RNF175: variants seen among roughly 807,000 people sequenced by gnomAD.
The protein encoded by RNF175 is ring finger protein 175.
In RNF175, 38 loss-of-function variants were observed where a neutral mutation model predicts 50.0. The observed-to-expected ratio is 0.76, with a 90% CI of 0.59 to 1.00. The LOEUF is 1.00. Among genes scored for constraint, RNF175 ranks in the 50% least tolerant of loss-of-function variants. RNF175 has a pLI of 0.00. For missense variants in RNF175, 388 were observed against 409.6 expected (o/e 0.95, Z 0.46); for synonymous variants, 155 against 146.1 (o/e 1.06, Z -0.44).
At chr4:153,723,528 A>G in intron 4 of RNF175, 70 bp from the exon 5 acceptor site, 1 of 692,004 alleles carries the variant, frequency 1.4e-6, no homozygotes, top group East Asian at 2.7e-5. Context: ...ACACAGTAAT[A>G]TTATAAAATA....
At chr4:153,720,409 T>C in intron 5 of RNF175, 105 bp from the exon 6 acceptor site, 1 of 873,430 alleles carries the variant, frequency 1.1e-6, no homozygotes, top group South Asian at 1.8e-5. Context: ...ACCTTGTGGG[T>C]ATTTTTTTTT....
chr4:153,730,893 A>G (rs1370269538), intron 3 of RNF175, among the ~76,000 whole-genome samples: 1 of 152,024 alleles, frequency 6.6e-6, no homozygotes, highest in Admixed American at 6.5e-5. Context: ...AAGTATGAAC[A>G]ATTTCTAGAA....
At chr4:153,717,164 C>T (rs1332784314) in intron 6 of RNF175, among the ~76,000 whole-genome samples, 1 of 152,152 alleles carries the variant, frequency 6.6e-6, no homozygotes, top group Admixed American at 6.5e-5. Flanking sequence ...TAACCCAATA[C>T]TACTACTATT....
At chr4:153,755,148 T>C (rs1277248161) in intron 1 of RNF175, among the ~76,000 whole-genome samples, 1 of 152,268 alleles carries the variant, frequency 6.6e-6, no homozygotes, top group East Asian at 1.9e-4. Flanking sequence ...CACGAGGGCC[T>C]CCATTTGTGC....
chr4:153,715,576 A>T lies in RNF175; in HGVS notation c.717T>A (p.Asp239Glu), dbSNP rs562485722. 1 of 1,613,060 alleles carries T rather than the reference A, an allele frequency of 6.2e-7. No homozygotes were observed. The highest frequency in any genetic ancestry group is 1.3e-5 in the African/African-American group (1 of 75,050). ...VCGQKIIVEL[D>E]EEGLIENTYQ... is the part of the protein sequence containing the mutation. The stretch of plus-strand genomic sequence containing the variant: ...AGGTGTTTTCAATGAGCCCTTCTTC[A>T]TCAAGCTCCACAATGATCTTCTGCC... The change falls in exon 7 of 9, where the codon GAT becomes GAA. Residue 239 changes from aspartate to glutamate, a missense_variant. Physicochemically the swap from Asp to Glu is conservative, Grantham distance 45 (BLOSUM62 2). Coordinates refer to ENST00000347063, the MANE Select transcript of RNF175 (RefSeq NM_173662.4).
chr4:153,743,825 T>C (rs1230711379), intron 3 of RNF175, among the ~76,000 whole-genome samples: 1 of 152,128 alleles, frequency 6.6e-6, no homozygotes, highest in African/African-American at 2.4e-5. Context: ...TAGCACAGCT[T>C]GTGCAGTTAG....
intron 4 of RNF175, 94 bp downstream of exon 4, chr4:153,728,113 C>A: frequency 1.2e-6 from 1 of 849,190 alleles, no homozygotes; most frequent in South Asian, 2.9e-5. Context: ...AATGTAACCC[C>A]CCCACTCCCC....
chr4:153,757,841 G>A (rs768451996), intron 1 of RNF175, among the ~76,000 whole-genome samples: 2 of 152,146 alleles, frequency 1.3e-5, no homozygotes, highest in Non-Finnish European at 2.9e-5. Flanking sequence ...AGCTGGGGAG[G>A]TGGAGGATGG....
rs114493359 is a variant in RNF175, at chr4:153,722,035, T to A, written c.509+1316A>T. Among the ~76,000 whole-genome samples, 896 of 152,346 alleles carry A rather than the reference T, an allele frequency of 5.9e-3. 7 individuals carry two copies. Among genetic ancestry groups the A allele is most frequent in the African/African-American group, 0.02 (843 of 41,580 alleles). ...CACCCAGGGCTGACTCTCCATCTGA[T>A]TGCCTTCCCTGTTTTCTGAGTAAAG... On this transcript the variant is annotated intron_variant, in intron 5 of 8. Coordinates refer to ENST00000347063, the MANE Select transcript of RNF175 (RefSeq NM_173662.4).
At chr4:153,717,660 T>C (rs772780837) in intron 6 of RNF175, among the ~76,000 whole-genome samples, 9 of 152,198 alleles carry the variant, frequency 5.9e-5, no homozygotes, top group Non-Finnish European at 1.2e-4. Context: ...TGTTAACCCA[T>C]AGACTTGACA....
In RNF175 at chr4:153,728,224, G is replaced by C; in HGVS notation, c.384C>G (p.Leu128=). 1.9e-6 allele frequency: 3 copies of C among 1,613,368 alleles called. No individual in the cohort carries two copies. Among genetic ancestry groups the C allele is most frequent in the Non-Finnish European group, 2.5e-6 (3 of 1,179,506 alleles). Reference sequence around the variant, plus strand: ...ATACATACCGTGGTGTCCTTCCTGAGAGGGGTTTTCGGGTAGCTCTGAAGA... The same window carrying C: ...ATACATACCGTGGTGTCCTTCCTGACAGGGGTTTTCGGGTAGCTCTGAAGA... ...YILFRATRKP[L]SGRTPRLVYK... is the part of the protein sequence containing the mutation. The change falls in exon 4 of 9, where the codon CTC becomes CTG. Residue 128 remains leucine (L), a synonymous_variant. Coordinates refer to ENST00000347063, the MANE Select transcript of RNF175 (RefSeq NM_173662.4).
intron 3 of RNF175, among the ~76,000 whole-genome samples, chr4:153,732,518 G>A (rs1044357726): frequency 4.6e-5 from 7 of 152,280 alleles, no homozygotes; most frequent in Admixed American, 1.3e-4. Flanking sequence ...GTATTTCACA[G>A]CTATTAATAG....
At chr4:153,729,731 C>T in intron 3 of RNF175, 1 of 985,006 alleles carries the variant, frequency 1.0e-6, no homozygotes, top group Non-Finnish European at 1.2e-6. Flanking sequence ...TAGAATTGCT[C>T]TGAATCTTCT....
chr4:153,751,150 C>A (rs907807532), intron 2 of RNF175, among the ~76,000 whole-genome samples: 9 of 152,224 alleles, frequency 5.9e-5, no homozygotes, highest in Non-Finnish European at 8.8e-5. Context: ...GGTATAGGAA[C>A]AAAACCAGTG....
At chr4:153,747,515 C>T (rs557276431) in intron 3 of RNF175, among the ~76,000 whole-genome samples, 28 of 152,306 alleles carry the variant, frequency 1.8e-4, no homozygotes, top group African/African-American at 6.5e-4. Flanking sequence ...CTCCAGCTTC[C>T]GATACCTTGT....
chr4:153,744,193 G>A (rs759289841), intron 3 of RNF175, among the ~76,000 whole-genome samples: 16 of 152,128 alleles, frequency 1.1e-4, no homozygotes, highest in Non-Finnish European at 2.1e-4. Context: ...AGGCCAAGGC[G>A]GGTGGATCAC....
chr4:153,743,673 G>A (rs1348886029), intron 3 of RNF175, among the ~76,000 whole-genome samples: 1 of 152,106 alleles, frequency 6.6e-6, no homozygotes, highest in Non-Finnish European at 1.5e-5. Context: ...GGACTACAGA[G>A]CCCCACTGGG....
At chr4:153,744,239 T>C (rs1173221833) in intron 3 of RNF175, among the ~76,000 whole-genome samples, 1 of 152,076 alleles carries the variant, frequency 6.6e-6, no homozygotes, top group East Asian at 1.9e-4. Flanking sequence ...CTGGCCAACA[T>C]GGTGAAACCC....
At chr4:153,745,110 C>A (rs971300092) in intron 3 of RNF175, among the ~76,000 whole-genome samples, 1 of 152,184 alleles carries the variant, frequency 6.6e-6, no homozygotes, top group African/African-American at 2.4e-5. Context: ...AGACCCAGAA[C>A]CATGTAGTGT....
Sources: gnomAD v4.1 joint callset for allele counts (sites outside exome capture counted in the v4.1 genomes callset) on GRCh38, gnomAD v4.1.1 for gene constraint, MANE v1.5 for transcripts, NCBI Gene and HGNC (gene_info 2026-07-23, HGNC 2026-07-21) for gene names.